PWP1: variants seen among roughly 807,000 people sequenced by gnomAD.
The protein encoded by PWP1 is periodic tryptophan protein 1 homolog.
In PWP1, 47 loss-of-function variants were observed where a neutral mutation model predicts 69.9. The ratio of observed to expected loss-of-function variants is 0.67; its 90% confidence interval spans 0.53 to 0.86. The LOEUF is 0.86. PWP1 is among the 40% of genes least tolerant of loss of function. The pLI is 0.00. For missense variants in PWP1, 551 were observed against 608.8 expected, an observed-to-expected ratio of 0.91 and a Z score of 1.00; for synonymous variants, 222 against 208.2, an observed-to-expected ratio of 1.07 and a Z score of -0.57.
intron 3 of PWP1, among the ~76,000 whole-genome samples, chr12:107,689,469 G>A (rs954174383): frequency 1.3e-5 from 2 of 152,160 alleles, no homozygotes; most frequent in African/African-American, 4.8e-5. Context: ...AAGAGGCCAG[G>A]TGCACGTGAC....
chr12:107,705,019 T>A (rs1047993159), intron 11 of PWP1, among the ~76,000 whole-genome samples: 1 of 152,196 alleles, frequency 6.6e-6, no homozygotes, highest in African/African-American at 2.4e-5. Context: ...GTAGTGTTGT[T>A]TGAAATACTA....
intron 5 of PWP1, among the ~76,000 whole-genome samples, chr12:107,696,029 CTTTTT>C (rs397700499): frequency 2.9e-5 from 3 of 103,748 alleles, no homozygotes; most frequent in African/African-American, 7.1e-5. Context: ...ATATTGGAAT[CTTTTT>C]TTTTTTTTTT....
chr12:107,685,880 A>C lies in PWP1; in HGVS notation c.-20A>C. 2 of 1,613,516 alleles carry C rather than the reference A, an allele frequency of 1.2e-6. No individual in the cohort carries two copies. The highest frequency in any genetic ancestry group is 1.7e-6 in the Non-Finnish European group (2 of 1,179,780). On this transcript the variant is annotated 5_prime_UTR_variant, in exon 1 of 15. Coordinates refer to ENST00000412830, the MANE Select transcript of PWP1 (RefSeq NM_007062.3). ...TATGCAGCCTGGTTTCTAGCGTGACACGCCCTTGACTTGAGGACCATGAAC... is the reference window on the plus strand; with the variant it reads ...TATGCAGCCTGGTTTCTAGCGTGACCCGCCCTTGACTTGAGGACCATGAAC...
At position 107,703,823 on chromosome 12, in the gene PWP1, C is replaced by G. The variant is rs868043753; in HGVS notation, c.965+77C>G. On this transcript the variant is annotated intron_variant, in intron 10 of 14. Transcript: ENST00000412830. Reference sequence around the variant, plus strand: ...TCATTTTAAGAGTATCACTTGGTACCCAGGCAGAATGTATCCTTGAGGCCA... The same window carrying G: ...TCATTTTAAGAGTATCACTTGGTACGCAGGCAGAATGTATCCTTGAGGCCA... The G allele has an allele frequency of 6.5e-6, 9 of 1,393,284 alleles. 1 individual carries two copies. The Middle Eastern group carries it at 1.6e-3, about 248-fold the overall frequency. 86.3% of individuals were successfully genotyped at this position (1,393,284 alleles called of 1,614,324 possible). A position where few individuals can be genotyped will look rare whatever the true frequency, so the allele number is the denominator to read the frequency against.
intron 3 of PWP1, among the ~76,000 whole-genome samples, chr12:107,691,360 A>G (rs900503309): frequency 5.9e-5 from 9 of 152,348 alleles, no homozygotes; most frequent in Middle Eastern, 3.4e-3. Context: ...TTAGAATACC[A>G]GGCTTAGCAA....
chr12:107,697,421 T>A, intron 6 of PWP1, 46 bp from the exon 7 acceptor site: 2 of 1,525,160 alleles, frequency 1.3e-6, no homozygotes, highest in Non-Finnish European at 1.8e-6. Flanking sequence ...AGAAGTTCTG[T>A]ATGTCTTTTT....
At chr12:107,707,891 G>T (rs1251112079) in intron 11 of PWP1, among the ~76,000 whole-genome samples, 2 of 152,028 alleles carry the variant, frequency 1.3e-5, no homozygotes, top group African/African-American at 4.8e-5. Context: ...CCGGGCTTTG[G>T]TATCAGGGTG....
Position 107,692,856 on chromosome 12 carries a change from A to T in PWP1, c.362A>T (p.Tyr121Phe). 2 of 1,614,060 alleles carry T rather than the reference A, an allele frequency of 1.2e-6. No homozygotes were observed. The highest frequency in any genetic ancestry group is 8.5e-7 in the Non-Finnish European group (1 of 1,179,942). Residue 121 changes from tyrosine to phenylalanine, a missense_variant, in exon 4 of 15, where the codon TAC becomes TTC. Physicochemically the swap from Tyr to Phe is conservative, Grantham distance 22. Coordinates refer to ENST00000412830, the MANE Select transcript of PWP1 (RefSeq NM_007062.3). ...GAATCTCTCTTGGGTCTTACGGTCT[A>T]CGGGAGTAATGATCAAGATCCTTAC... is the stretch of plus-strand genomic sequence containing the variant. ...LGESLLGLTVYGSNDQDPYVT... is the reference protein window; with the variant it reads ...LGESLLGLTVFGSNDQDPYVT...
At position 107,688,697 on chromosome 12, in the gene PWP1, C is replaced by A. The variant is rs770032446; in HGVS notation, c.214C>A (p.Pro72Thr). Reference protein sequence around the residue: ...GMQSARTQARPREPLEDGDPE... With the variant: ...GMQSARTQARTREPLEDGDPE... ...GCAGAGTGCACGCACCCAGGCACGCCCAAGAGAGCCCCTGGAGGATGGTGA... is the reference window on the plus strand; with the variant it reads ...GCAGAGTGCACGCACCCAGGCACGCACAAGAGAGCCCCTGGAGGATGGTGA... Residue 72 changes from proline (P) to threonine (T), a missense_variant, in exon 3 of 15, where the codon CCA becomes ACA. By Grantham distance (38) the Pro-to-Thr change is conservative (BLOSUM62 -1). Coordinates refer to ENST00000412830, the MANE Select transcript of PWP1 (RefSeq NM_007062.3). The A allele has an allele frequency of 1.9e-6, 3 of 1,614,120 alleles. No homozygotes were observed. The highest frequency in any genetic ancestry group is 4.5e-5 in the East Asian group (2 of 44,890).
intron 14 of PWP1, 66 bp from the exon 15 acceptor site, chr12:107,712,045 T>G: frequency 7.5e-7 from 1 of 1,332,770 alleles, no homozygotes; most frequent in East Asian, 2.3e-5. Flanking sequence ...TGCATTTTAG[T>G]GTCTTTTTAT....
At chr12:107,697,789 C>A (rs1889621580) in intron 7 of PWP1, 192 bp downstream of exon 7, 1 of 635,292 alleles carries the variant, frequency 1.6e-6, no homozygotes, top group Non-Finnish European at 2.9e-6. Flanking sequence ...TTACATAAAA[C>A]CTCCATTATC....
At position 107,692,987 on chromosome 12, in the gene PWP1, T is replaced by C. The variant is rs760856390; in HGVS notation, c.406-13T>C. ...CTGCTTCTAGTCAATGACATTTTTT[T>C]CCTCTCACTTAGGAACAATATGAAC... is the stretch of plus-strand genomic sequence containing the variant. On this transcript the variant is annotated splice_polypyrimidine_tract_variant and intron_variant, in intron 4 of 14. Transcript: ENST00000412830. The C allele has an allele frequency of 3.1e-6, 5 of 1,613,780 alleles. No homozygotes were observed. The South Asian group carries it at 3.3e-5, about 11-fold the overall frequency.
chr12:107,686,780 C>A (rs1030788619), intron 1 of PWP1, among the ~76,000 whole-genome samples: 10 of 152,056 alleles, frequency 6.6e-5, no homozygotes, highest in Non-Finnish European at 1.3e-4. Context: ...TCCTGGCTAA[C>A]ACGGTGAAAC....
intron 1 of PWP1, among the ~76,000 whole-genome samples, chr12:107,687,069 A>AC (rs1489766980): frequency 8.6e-5 from 13 of 151,898 alleles, no homozygotes; most frequent in African/African-American, 2.7e-4. Context: ...GTTAAGTTCT[A>AC]CCAAACAGTA....
chr12:107,704,853 G>C (rs1432340054), intron 11 of PWP1, 106 bp downstream of exon 11: 3 of 924,294 alleles, frequency 3.2e-6, no homozygotes, highest in South Asian at 3.3e-5. Context: ...TTAACAGTAT[G>C]AAGTATTTGG....
At chr12:107,693,368 G>T (rs1166587861) in intron 5 of PWP1, among the ~76,000 whole-genome samples, 2 of 151,864 alleles carry the variant, frequency 1.3e-5, no homozygotes, top group Admixed American at 6.6e-5. Flanking sequence ...TATAAACAGG[G>T]TCTCACTGTG....
At position 107,697,504 on chromosome 12, in the gene PWP1, T is replaced by G. The variant is rs1319592858; in HGVS notation, c.651T>G (p.Ile217Met). 6.2e-7 allele frequency: 1 copy of G among 1,603,904 alleles called. No homozygotes were observed. Reference protein sequence around the residue: ...YIAVGNMTPVIEVWDLDIVDS... With the variant: ...YIAVGNMTPVMEVWDLDIVDS... ...CTGTAGGAAACATGACCCCTGTTAT[T>G]GAAGTGTGGGACCTTGATATAGTGG... Residue 217 changes from isoleucine (I) to methionine (M), a missense_variant, in exon 7 of 15, where the codon ATT becomes ATG. Physicochemically the swap from Ile to Met is conservative, Grantham distance 10. Transcript: ENST00000412830.
At chr12:107,699,095 C>CA (rs1254516928) in intron 7 of PWP1, among the ~76,000 whole-genome samples, 3 of 152,040 alleles carry the variant, frequency 2.0e-5, no homozygotes, top group Non-Finnish European at 4.4e-5. Context: ...CCTGTCTCCA[C>CA]AAAAAATATA....
At position 107,710,428 on chromosome 12, in the gene PWP1, T is replaced by G. The variant is rs549650770; in HGVS notation, c.1314T>G (p.Cys438Trp). ...AGGGAGTTCTCTTCTGTTCTTCATGTTGCCCTGATTTGCCATTTATTTATG... is the reference window on the plus strand; with the variant it reads ...AGGGAGTTCTCTTCTGTTCTTCATGGTGCCCTGATTTGCCATTTATTTATG... Reference protein sequence around the residue: ...MKMGVLFCSSCCPDLPFIYAF... With the variant: ...MKMGVLFCSSWCPDLPFIYAF... The change falls in exon 14 of 15, where the codon TGT becomes TGG. Residue 438 changes from cysteine to tryptophan, a missense_variant. Coordinates refer to ENST00000412830, the MANE Select transcript of PWP1 (RefSeq NM_007062.3). The G allele has an allele frequency of 6.2e-7, 1 of 1,613,750 alleles. No homozygotes were observed. The highest frequency in any genetic ancestry group is 1.3e-5 in the African/African-American group (1 of 75,020).
Sources: gnomAD v4.1 joint callset for allele counts (sites outside exome capture counted in the v4.1 genomes callset) on GRCh38, gnomAD v4.1.1 for gene constraint, MANE v1.5 for transcripts, NCBI Gene and HGNC (gene_info 2026-07-23, HGNC 2026-07-21) for gene names.